The following ADAM12 variants were observed in gnomAD, a reference collection of about 807,000 sequenced individuals.
The protein encoded by ADAM12 is disintegrin and metalloproteinase domain-containing protein 12.
ADAM12 carries 70 observed loss-of-function variants against 106.4 expected under a neutral mutation model. The ratio of observed to expected loss-of-function variants is 0.66; its 90% CI spans 0.54 to 0.80. ADAM12 has a LOEUF of 0.80. ADAM12 is among the 30% of genes least tolerant of loss of function. The probability of loss-of-function intolerance (pLI) is 0.00; values close to 1 mark genes in which losing one functional copy is unlikely to be tolerated. For synonymous variants in ADAM12, 420 were observed against 433.5 expected, an observed-to-expected ratio of 0.97 and a Z score of 0.39; for missense variants, 1,010 against 1,171.9, an observed-to-expected ratio of 0.86 and a Z score of 2.02.
intron 3 of ADAM12, among the ~76,000 whole-genome samples, chr10:126,269,498 G>C (rs1959164863): frequency 1.3e-5 from 2 of 152,160 alleles, no homozygotes; most frequent in African/African-American, 4.8e-5. Flanking sequence ...AAAAAATCCA[G>C]AAGAGACAGG....
intron 3 of ADAM12, among the ~76,000 whole-genome samples, chr10:126,270,371 C>A (rs753801220): frequency 3.9e-5 from 6 of 152,174 alleles, no homozygotes; most frequent in Admixed American, 1.3e-4. Context: ...CAAATTCTCA[C>A]AGAAGGATCC....
chr10:126,260,354 G>A (rs977521854), intron 3 of ADAM12, among the ~76,000 whole-genome samples: 2 of 152,126 alleles, frequency 1.3e-5, no homozygotes, highest in African/African-American at 2.4e-5. Context: ...TTTACAACAG[G>A]GTCCAAAGGG....
At chr10:126,174,807 C>T in intron 3 of ADAM12, among the ~76,000 whole-genome samples, 1 of 151,180 alleles carries the variant, frequency 6.6e-6, no homozygotes, top group Non-Finnish European at 1.5e-5. Context: ...GGCTGGAGTG[C>T]AGTGGCTTGA....
intron 6 of ADAM12, among the ~76,000 whole-genome samples, chr10:126,116,716 G>C (rs1027733083): frequency 2.6e-5 from 4 of 151,924 alleles, no homozygotes; most frequent in African/African-American, 4.8e-5. Flanking sequence ...AGACGTGAGG[G>C]TTACACAAGT....
intron 3 of ADAM12, among the ~76,000 whole-genome samples, chr10:126,232,326 C>T (rs1278644641): frequency 6.6e-6 from 1 of 152,078 alleles, no homozygotes; most frequent in Non-Finnish European, 1.5e-5. Context: ...ATGCAGGCAG[C>T]TTCTAAAAGC....
chr10:126,270,237 G>A (rs981412538), intron 3 of ADAM12, among the ~76,000 whole-genome samples: 3 of 152,136 alleles, frequency 2.0e-5, no homozygotes, highest in African/African-American at 7.2e-5. Flanking sequence ...TGGTAGCACC[G>A]GATTCTCCAA....
At chr10:126,109,961 C>T in intron 6 of ADAM12, 121 bp from the exon 7 acceptor site, 1 of 821,960 alleles carries the variant, frequency 1.2e-6, no homozygotes, top group Non-Finnish European at 1.8e-6. Flanking sequence ...CGCCAGGCCC[C>T]CACACCTCCA....
At chr10:126,162,636 C>T (rs1166194678) in intron 3 of ADAM12, among the ~76,000 whole-genome samples, 1 of 152,090 alleles carries the variant, frequency 6.6e-6, no homozygotes. Context: ...GAGAAAAATA[C>T]AGGCTCCAGG....
intron 3 of ADAM12, among the ~76,000 whole-genome samples, chr10:126,206,279 C>G (rs1031524563): frequency 6.6e-6 from 1 of 152,180 alleles, no homozygotes; most frequent in Non-Finnish European, 1.5e-5. Flanking sequence ...AGTACTTGCC[C>G]TACACACCAG....
chr10:126,232,401 C>G (rs550881375), intron 3 of ADAM12, among the ~76,000 whole-genome samples: 2 of 152,252 alleles, frequency 1.3e-5, no homozygotes, highest in South Asian at 4.2e-4. Flanking sequence ...CCACCCACAC[C>G]TTGGTTGTAT....
chr10:126,040,684 T>C lies in ADAM12; in HGVS notation c.2105-1255A>G, dbSNP rs1243992018. Among the ~76,000 whole-genome samples, 7 of 152,208 alleles carry C rather than the reference T, an allele frequency of 4.6e-5. No individual in the cohort carries two copies. The East Asian group carries it at 1.2e-3, about 25-fold the overall frequency. On this transcript the variant is annotated intron_variant, in intron 18 of 22. Transcript: ENST00000448723. ...TCACAGGGGGCTCTAGCTAGAGTTC[T>C]GGTGTCTCATAACAAAGTTAATTAA...
chr10:126,304,047 T>C (rs1045415936), intron 2 of ADAM12, among the ~76,000 whole-genome samples: 1 of 152,148 alleles, frequency 6.6e-6, no homozygotes, highest in African/African-American at 2.4e-5. Flanking sequence ...CTCCTATGCA[T>C]TTAGAATGGT....
At chr10:126,200,797 C>G (rs1957684529) in intron 3 of ADAM12, among the ~76,000 whole-genome samples, 1 of 145,730 alleles carries the variant, frequency 6.9e-6, no homozygotes. Flanking sequence ...AGAGAAAGAG[C>G]CCAGGATGTG....
intron 2 of ADAM12, among the ~76,000 whole-genome samples, chr10:126,289,140 G>T (rs1177041572): frequency 6.6e-6 from 1 of 152,172 alleles, no homozygotes; most frequent in African/African-American, 2.4e-5. Context: ...TGGTGACTTG[G>T]TGCCTGGGGG....
chr10:126,374,064 C>A (rs1590839602), intron 1 of ADAM12, among the ~76,000 whole-genome samples: 1 of 152,222 alleles, frequency 6.6e-6, no homozygotes, highest in African/African-American at 2.4e-5. Context: ...CATGTCTCCC[C>A]AGAGATCTGG....
At chr10:126,163,073 C>T (rs1353556144) in intron 3 of ADAM12, among the ~76,000 whole-genome samples, 2 of 152,220 alleles carry the variant, frequency 1.3e-5, no homozygotes, top group Non-Finnish European at 2.9e-5. Context: ...GTTTCCACTG[C>T]ACCTTCCACC....
At chr10:126,238,805 A>C (rs1249776281) in intron 3 of ADAM12, among the ~76,000 whole-genome samples, 2 of 152,212 alleles carry the variant, frequency 1.3e-5, no homozygotes, top group Non-Finnish European at 2.9e-5. Context: ...AAGTCACAGG[A>C]AACAGAAACT....
chr10:126,234,166 A>G (rs1279745416), intron 3 of ADAM12, among the ~76,000 whole-genome samples: 1 of 152,214 alleles, frequency 6.6e-6, no homozygotes, highest in Non-Finnish European at 1.5e-5. Context: ...CGAGCATGTC[A>G]AAGAAAAAAG....
chr10:126,053,039 CATCACCTTGGTGCT>C lies in ADAM12; in HGVS notation c.1610-3384_1610-3371del. ...CAGTTTCTCTTGAATGGTTTAGCAC[CATCACCTTGGTGCT>C]ATTCTTGGGATAGTGAGTTGAGATC... On this transcript the variant is annotated intron_variant, in intron 14 of 22. Coordinates refer to ENST00000448723, the MANE Select transcript of ADAM12 (RefSeq NM_001288973.2). This position sits in a 1 kb window ranked among gnomAD's most constrained non-coding sequence, Gnocchi z 4.6. Among the ~76,000 whole-genome samples, 1 of 152,170 alleles carries C rather than the reference CATCACCTTGGTGCT, an allele frequency of 6.6e-6. No individual in the cohort carries two copies. The highest frequency in any genetic ancestry group is 3.4e-3 in the Middle Eastern group (1 of 294).
Sources: gnomAD v4.1 joint callset for allele counts (sites outside exome capture counted in the v4.1 genomes callset) on GRCh38, gnomAD v4.1.1 for gene constraint, Gnocchi (gnomAD v3.1) non-coding constraint, MANE v1.5 for transcripts, NCBI Gene and HGNC (gene_info 2026-07-23, HGNC 2026-07-21) for gene names.